The following DNER variants were observed in gnomAD, a reference collection of about 807,000 sequenced individuals.
DNER encodes delta and Notch-like epidermal growth factor-related receptor.
Under a neutral mutation model 78.2 loss-of-function variants are expected in DNER, and 33 were observed. The ratio of observed to expected loss-of-function variants is 0.42; its 90% CI spans 0.32 to 0.56. The LOEUF (loss-of-function observed/expected upper bound fraction) is 0.56, where lower values mean the gene tolerates loss of function less well. Among genes scored for constraint, DNER ranks in the 20% least tolerant of loss-of-function variants. The pLI, the probability that DNER is intolerant of heterozygous loss-of-function variation, is 0.11. For missense variants in DNER, 918 were observed against 975.3 expected (o/e 0.94, Z 0.78); for synonymous variants, 417 against 384.8 (o/e 1.08, Z -0.98).
At chr2:229,372,159 T>C (rs1386445482) in intron 11 of DNER, among the ~76,000 whole-genome samples, 1 of 152,204 alleles carries the variant, frequency 6.6e-6, no homozygotes, top group Non-Finnish European at 1.5e-5. Context: ...GTGACAGGGA[T>C]GGAAAGCAAG....
intron 1 of DNER, among the ~76,000 whole-genome samples, chr2:229,688,550 A>C (rs1054775351): frequency 1.3e-5 from 2 of 152,102 alleles, no homozygotes; most frequent in Admixed American, 6.5e-5. Context: ...AATGGGCTTG[A>C]TTTTTTCAAG....
At chr2:229,658,572 A>C (rs561265213) in intron 1 of DNER, among the ~76,000 whole-genome samples, 3 of 152,234 alleles carry the variant, frequency 2.0e-5, no homozygotes, top group Non-Finnish European at 4.4e-5. Context: ...ATTCAGTAAG[A>C]CTTTATTAAG....
intron 1 of DNER, among the ~76,000 whole-genome samples, chr2:229,598,869 G>T (rs900279879): frequency 2.6e-5 from 4 of 152,070 alleles, no homozygotes; most frequent in African/African-American, 9.7e-5. Flanking sequence ...AGCTGGGTTT[G>T]CATCTCGAAA....
intron 8 of DNER, among the ~76,000 whole-genome samples, chr2:229,447,036 C>T (rs771869815): frequency 9.9e-5 from 15 of 152,068 alleles, no homozygotes; most frequent in African/African-American, 3.4e-4. Flanking sequence ...CTTTATTTTG[C>T]TTGTTTTTTC....
chr2:229,451,371 C>T (rs59861927), intron 7 of DNER, among the ~76,000 whole-genome samples: 10,592 of 152,134 alleles, frequency 0.07, 1,089 homozygotes, highest in African/African-American at 0.22. Context: ...GCAGGAGAAT[C>T]GCTTGAACCC....
At chr2:229,535,364 T>C (rs145968930) in intron 5 of DNER, among the ~76,000 whole-genome samples, 23 of 151,934 alleles carry the variant, frequency 1.5e-4, no homozygotes, top group African/African-American at 4.4e-4. Context: ...AGGCAGAAAA[T>C]GGGTCAAGTT....
At chr2:229,635,621 G>A (rs965567153) in intron 1 of DNER, among the ~76,000 whole-genome samples, 7 of 152,096 alleles carry the variant, frequency 4.6e-5, no homozygotes, top group Admixed American at 2.0e-4. Flanking sequence ...TGTATTTTTT[G>A]TGAGCAGCCT....
rs866825930 is a variant in DNER, at chr2:229,602,730, A to G, written c.277-10842T>C. Among the ~76,000 whole-genome samples, 4 of 152,214 alleles carry G rather than the reference A, an allele frequency of 2.6e-5. No homozygotes were observed. In the South Asian group the frequency reaches 6.2e-4, roughly 24 times the overall value. ...AATAGATGAAAAAAATTAAATTCCT[A>G]GTAATAAATCAAATGTTAAAAATGC... On this transcript the variant is annotated intron_variant, in intron 1 of 12. Transcript: ENST00000341772.
intron 11 of DNER, among the ~76,000 whole-genome samples, chr2:229,368,293 A>T (rs528239614): frequency 6.6e-6 from 1 of 152,026 alleles, no homozygotes; most frequent in Admixed American, 6.6e-5. Flanking sequence ...AACCTGGGAG[A>T]TGGAGGTTGC....
chr2:229,568,898 A>T (rs544647684), intron 4 of DNER, among the ~76,000 whole-genome samples: 4 of 152,290 alleles, frequency 2.6e-5, no homozygotes, highest in African/African-American at 9.6e-5. Context: ...ATGATCTATT[A>T]TACCTACCAA....
intron 1 of DNER, among the ~76,000 whole-genome samples, chr2:229,599,455 G>T (rs1697787033): frequency 6.6e-6 from 1 of 152,118 alleles, no homozygotes. Flanking sequence ...TATCACTGGG[G>T]GCTCCCCTGT....
rs1437396827 is a variant in DNER, at chr2:229,366,871, A to G, written c.2102+2T>C. 2 of 1,613,880 alleles carry G rather than the reference A, an allele frequency of 1.2e-6. No individual in the cohort carries two copies. The highest frequency in any genetic ancestry group is 1.1e-5 in the South Asian group (1 of 91,060). On this transcript the variant is annotated splice_donor_variant, in intron 12 of 12. Transcript: ENST00000341772. LOFTEE classifies it high-confidence loss of function. ...ATTCCCCACGCCGCCCCCACAGCCA[A>G]CCTGGCATGCCGGATGGATGCAATG...
chr2:229,492,094 G>A (rs182627986), intron 6 of DNER, among the ~76,000 whole-genome samples: 43 of 152,126 alleles, frequency 2.8e-4, no homozygotes, highest in Non-Finnish European at 5.3e-4. Context: ...TGACTTCCAC[G>A]AGCACAGGGA....
chr2:229,517,353 G>A lies in DNER; in HGVS notation c.994-4417C>T, dbSNP rs76134829. Among the ~76,000 whole-genome samples the A allele has an allele frequency of 3.3e-3, 510 of 152,318 alleles. 4 individuals carry two copies. Among genetic ancestry groups the A allele is most frequent in the Non-Finnish European group, 5.1e-3 (344 of 68,034 alleles). On this transcript the variant is annotated intron_variant, in intron 5 of 12. Transcript: ENST00000341772. ...ATGAGAAAGTGGTATAGTAAATTAA[G>A]TTATAAATGGCATGGGGAAAAACGG...
chr2:229,411,639 A>C (rs966792897), intron 9 of DNER, among the ~76,000 whole-genome samples: 3 of 152,244 alleles, frequency 2.0e-5, no homozygotes, highest in African/African-American at 4.8e-5. Flanking sequence ...CCCTAGAAAG[A>C]AATCTGGAAA....
chr2:229,601,246 G>T (rs1311599506), intron 1 of DNER, among the ~76,000 whole-genome samples: 1 of 152,018 alleles, frequency 6.6e-6, no homozygotes, highest in Non-Finnish European at 1.5e-5. Context: ...CAGTATTTTT[G>T]TCTCAAAAAG....
intron 10 of DNER, among the ~76,000 whole-genome samples, chr2:229,394,499 TGA>T (rs1693089609): frequency 6.6e-6 from 1 of 152,200 alleles, no homozygotes; most frequent in African/African-American, 2.4e-5. Context: ...CTGCAGGAGC[TGA>T]GAGACCAAGA....
chr2:229,541,092 G>A (rs1696503753), intron 5 of DNER, among the ~76,000 whole-genome samples: 1 of 152,200 alleles, frequency 6.6e-6, no homozygotes. Flanking sequence ...AAGATGTTGT[G>A]CCTATCCTTT....
At chr2:229,360,223 G>A (rs757165992) in intron 12 of DNER, among the ~76,000 whole-genome samples, 1 of 152,096 alleles carries the variant, frequency 6.6e-6, no homozygotes, top group Non-Finnish European at 1.5e-5. Context: ...AAAATACCTA[G>A]ATACACCACC....
Sources: allele counts gnomAD v4.1 joint callset (sites outside exome capture counted in the v4.1 genomes callset), GRCh38; gene constraint gnomAD v4.1.1; transcripts MANE v1.5; gene names NCBI Gene and HGNC (gene_info 2026-07-23, HGNC 2026-07-21).